Variants in MRTFB observed in about 807,000 individuals in gnomAD.
MRTFB encodes the protein myocardin-related transcription factor B.
Under a neutral mutation model 104.2 loss-of-function variants are expected in MRTFB, and 29 were observed. The ratio of observed to expected loss-of-function variants is 0.28; its 90% CI spans 0.21 to 0.38. The LOEUF is 0.38. Ranked by LOEUF, MRTFB falls within the 10% of genes least tolerant of loss-of-function variation. The pLI is 1.00. For missense variants in MRTFB, 1,270 were observed against 1,341.6 expected (o/e 0.95, Z 0.83); for synonymous variants, 535 against 519.5 (o/e 1.03, Z -0.41).
intron 9 of MRTFB, among the ~76,000 whole-genome samples, chr16:14,238,948 C>T (rs910332190): frequency 2.0e-5 from 3 of 152,168 alleles, no homozygotes; most frequent in Admixed American, 6.5e-5. Flanking sequence ...AGATTATAGC[C>T]TTTGCCAATT....
chr16:14,232,095 A>C (rs1262000859), intron 8 of MRTFB, among the ~76,000 whole-genome samples: 3 of 152,162 alleles, frequency 2.0e-5, no homozygotes, highest in Admixed American at 2.0e-4. Flanking sequence ...GTTATTTTTC[A>C]TGTGATTAAC....
intron 2 of MRTFB, among the ~76,000 whole-genome samples, chr16:14,110,091 A>T (rs745564239): frequency 1.3e-5 from 2 of 152,250 alleles, no homozygotes; most frequent in Non-Finnish European, 2.9e-5. Context: ...ACCTTGAAAT[A>T]TGGACTTACT....
chr16:14,206,756 G>C (rs913690038), intron 3 of MRTFB, among the ~76,000 whole-genome samples: 2 of 152,066 alleles, frequency 1.3e-5, no homozygotes, highest in South Asian at 4.2e-4. Flanking sequence ...GGCCAGGCTA[G>C]TCTCAAACTC....
chr16:14,127,924 T>TAC (rs2037223868), intron 2 of MRTFB, among the ~76,000 whole-genome samples: 1 of 42,964 alleles, frequency 2.3e-5, no homozygotes. Context: ...TATATATATA[T>TAC]ATATATTTTT....
At chr16:14,223,758 G>C (rs931768922) in intron 8 of MRTFB, among the ~76,000 whole-genome samples, 4 of 152,142 alleles carry the variant, frequency 2.6e-5, no homozygotes, top group Non-Finnish European at 5.9e-5. Context: ...TTCACTATGA[G>C]AGTTCCAAAA....
chr16:14,001,722 C>T, the MRTFB span, among the ~76,000 whole-genome samples: 3 of 152,314 alleles, frequency 2.0e-5, no homozygotes, highest in East Asian at 3.9e-4. Flanking sequence ...CGGCGGGCTC[C>T]GACAACAACT....
chr16:14,227,209 A>G (rs76840982), intron 8 of MRTFB, among the ~76,000 whole-genome samples: 7,772 of 152,068 alleles, frequency 0.051, 311 homozygotes, highest in African/African-American at 0.1. Flanking sequence ...TCCCTCATGA[A>G]TAGATTAACA....
chr16:14,206,809 G>C (rs540300739), intron 3 of MRTFB, among the ~76,000 whole-genome samples: 64 of 152,144 alleles, frequency 4.2e-4, no homozygotes, highest in African/African-American at 1.3e-3. Flanking sequence ...GCCTCCCAAA[G>C]TATAATTGTG....
intron 11 of MRTFB, among the ~76,000 whole-genome samples, chr16:14,245,909 G>A (rs1384354944): frequency 6.6e-6 from 1 of 152,182 alleles, no homozygotes; most frequent in Non-Finnish European, 1.5e-5. Flanking sequence ...TCCAGAGGCT[G>A]TGATTTTTTT....
At chr16:14,221,575 C>A (rs775793795) in intron 8 of MRTFB, among the ~76,000 whole-genome samples, 4 of 152,152 alleles carry the variant, frequency 2.6e-5, no homozygotes, top group Non-Finnish European at 5.9e-5. Flanking sequence ...AGCTATGACA[C>A]AATTTACTAA....
At chr16:14,194,183 T>C (rs563514240) in intron 3 of MRTFB, among the ~76,000 whole-genome samples, 4 of 152,354 alleles carry the variant, frequency 2.6e-5, no homozygotes, top group South Asian at 4.1e-4. Context: ...CCCAGTTGTA[T>C]TTGTATTGCT....
intron 16 of MRTFB, among the ~76,000 whole-genome samples, chr16:14,260,458 A>G (rs756945057): frequency 1.3e-5 from 2 of 152,154 alleles, no homozygotes; most frequent in African/African-American, 2.4e-5. Flanking sequence ...CAACATTTAT[A>G]TTAGGAGTAT....
chr16:14,195,543 G>A, intron 3 of MRTFB: 1 of 985,402 alleles, frequency 1.0e-6, no homozygotes, highest in South Asian at 4.7e-5. Context: ...TACTGAGTCT[G>A]GATCATCTGA....
At chr16:14,004,374 C>T in the MRTFB span, among the ~76,000 whole-genome samples, 188 of 152,238 alleles carry the variant, frequency 1.2e-3, 1 homozygote, top group African/African-American at 4.1e-3. Context: ...TCCCAGAGGT[C>T]CACGGGTGAA....
chr16:14,030,664 T>G, the MRTFB span, among the ~76,000 whole-genome samples: 29 of 152,178 alleles, frequency 1.9e-4, no homozygotes, highest in African/African-American at 7.0e-4. Flanking sequence ...AACCTCACTT[T>G]ACAGACGAGG....
rs143637585 is a variant in MRTFB at position 14,081,379 on chromosome 16, G to A, written c.-64+2025G>A. 6.2e-3 allele frequency among the ~76,000 whole-genome samples: 893 copies of A among 144,892 alleles called. 9 individuals are homozygous for A. The highest frequency in any genetic ancestry group is 0.021 in the African/African-American group (825 of 38,374). On this transcript the variant is annotated intron_variant, in intron 2 of 16. Coordinates refer to ENST00000571589, the MANE Select transcript of MRTFB (RefSeq NM_001308142.2). ...GTGATCTTGGCTCACTGCAACCTCCGCCTCCCGGATTCAAGCGATTCTCCT... is the reference window on the plus strand; with the variant it reads ...GTGATCTTGGCTCACTGCAACCTCCACCTCCCGGATTCAAGCGATTCTCCT...
At chr16:14,222,324 A>G (rs1219141510) in intron 8 of MRTFB, among the ~76,000 whole-genome samples, 1 of 152,134 alleles carries the variant, frequency 6.6e-6, no homozygotes, top group East Asian at 1.9e-4. Context: ...AAGCTATCCA[A>G]CCTACAGCCC....
intron 13 of MRTFB, among the ~76,000 whole-genome samples, chr16:14,251,203 C>T (rs963510512): frequency 1.3e-4 from 19 of 151,874 alleles, no homozygotes; most frequent in African/African-American, 4.6e-4. Context: ...CAGTGAAACC[C>T]CGTCTCTACT....
At chr16:14,162,960 T>C (rs2142919867) in intron 3 of MRTFB, among the ~76,000 whole-genome samples, 3 of 152,346 alleles carry the variant, frequency 2.0e-5, no homozygotes, top group Middle Eastern at 6.8e-3. Context: ...CTTCTGCTTC[T>C]CCCAGTTCTT....
Sources: gnomAD v4.1 joint callset for allele counts (sites outside exome capture counted in the v4.1 genomes callset) on GRCh38, gnomAD v4.1.1 for gene constraint, MANE v1.5 for transcripts, NCBI Gene and HGNC (gene_info 2026-07-23, HGNC 2026-07-21) for gene names.